CDH10: variants seen among roughly 807,000 people sequenced by gnomAD.
CDH10 encodes cadherin-10.
In CDH10, 30 loss-of-function variants were observed where a neutral mutation model predicts 73.1. That is an observed-to-expected ratio of 0.41 (90% CI 0.31 to 0.56). CDH10 has a LOEUF of 0.56. Among genes scored for constraint, CDH10 ranks in the 20% least tolerant of loss-of-function variants. The pLI, the probability that CDH10 is intolerant of heterozygous loss-of-function variation, is 0.27. For synonymous variants in CDH10, 345 were observed against 348.2 expected, an observed-to-expected ratio of 0.99 and a Z score of 0.10; for missense variants, 815 against 973.7, an observed-to-expected ratio of 0.84 and a Z score of 2.17.
At chr5:24,556,990 T>C (rs16893503) in intron 2 of CDH10, among the ~76,000 whole-genome samples, 2,490 of 151,872 alleles carry the variant, frequency 0.016, 65 homozygotes, top group African/African-American at 0.052. Flanking sequence ...TTTAAAAAAG[T>C]ACAGAAAGAA....
At chr5:24,505,879 G>A (rs1287863714) in intron 7 of CDH10, among the ~76,000 whole-genome samples, 1 of 152,304 alleles carries the variant, frequency 6.6e-6, no homozygotes, top group Non-Finnish European at 1.5e-5. Context: ...ACCTTGGGAG[G>A]CCCAGGCAGG....
intron 1 of CDH10, among the ~76,000 whole-genome samples, chr5:24,625,642 T>C (rs1747473285): frequency 6.7e-6 from 1 of 149,750 alleles, no homozygotes. Context: ...TATGTGTATA[T>C]ATATATTCAC....
chr5:24,498,442 C>A lies in CDH10; in HGVS notation c.1471G>T (p.Val491Leu). The change falls in exon 9 of 12, where the codon GTG (valine) becomes TTG (leucine). Residue 491 changes from valine to leucine, a missense_variant. Val to Leu is a conservative substitution (Grantham distance 32, BLOSUM62 1). Around this residue, in one of 3 missense-constraint regions of CDH10, gnomAD observed 516 missense variants for 636.6 expected, o/e 0.81. Coordinates refer to ENST00000264463, the MANE Select transcript of CDH10 (RefSeq NM_006727.5). Reference protein sequence around the residue: ...DVNDNAPQFAVFYDTFVCENA... With the variant: ...DVNDNAPQFALFYDTFVCENA... Reference sequence around the variant, plus strand: ...TCACATACAAAAGTGTCATAGAACACAGCAAACTGTGGGGCATTGTCATTA... The same window carrying A: ...TCACATACAAAAGTGTCATAGAACAAAGCAAACTGTGGGGCATTGTCATTA... 3 of 1,603,898 alleles carry A rather than the reference C, an allele frequency of 1.9e-6. No homozygotes were observed. The highest frequency in any genetic ancestry group is 2.6e-6 in the Non-Finnish European group (3 of 1,170,950).
intron 10 of CDH10, 61 bp from the exon 11 acceptor site, chr5:24,491,888 C>T (rs2111642978): frequency 1.9e-6 from 2 of 1,031,516 alleles, no homozygotes; most frequent in Non-Finnish European, 2.9e-6. Context: ...CCAATGTGAT[C>T]ACCAAGGTTT....
At chr5:24,546,782 C>G (rs1561154416) in intron 2 of CDH10, among the ~76,000 whole-genome samples, 1 of 152,056 alleles carries the variant, frequency 6.6e-6, no homozygotes, top group South Asian at 2.1e-4. Context: ...GTTTTCTACT[C>G]TTGTGGACTC....
At chr5:24,574,434 T>G (rs959456166) in intron 2 of CDH10, among the ~76,000 whole-genome samples, 1 of 152,038 alleles carries the variant, frequency 6.6e-6, no homozygotes, top group African/African-American at 2.4e-5. Flanking sequence ...AAGAGGATAT[T>G]GGCCAAAATA....
rs77458169 is a variant in CDH10 at position 24,619,180 on chromosome 5, T to C, written c.-124+25414A>G. Among the ~76,000 whole-genome samples, 1,159 of 152,140 alleles carry C rather than the reference T, an allele frequency of 7.6e-3. 14 individuals carry two copies. The highest frequency in any genetic ancestry group is 0.026 in the African/African-American group (1,098 of 41,476). ...TGAATGGTACCTCTAGTCTCATCTA[T>C]ATCTGATTTAGATGATTTTTTTTTT... On this transcript the variant is annotated intron_variant, in intron 1 of 11. Coordinates refer to ENST00000264463, the MANE Select transcript of CDH10 (RefSeq NM_006727.5).
chr5:24,501,249 C>T (rs542110304), intron 8 of CDH10, among the ~76,000 whole-genome samples: 1 of 152,104 alleles, frequency 6.6e-6, no homozygotes, highest in Non-Finnish European at 1.5e-5. Flanking sequence ...AAAATTCCGT[C>T]GTCAGCCCCT....
intron 1 of CDH10, among the ~76,000 whole-genome samples, chr5:24,631,968 A>G (rs1579489234): frequency 1.3e-5 from 2 of 152,190 alleles, no homozygotes; most frequent in East Asian, 3.9e-4. Flanking sequence ...GTTGAAATTT[A>G]CAGAAAATAC....
At chr5:24,494,285 A>G (rs1408342907) in intron 9 of CDH10, among the ~76,000 whole-genome samples, 1 of 151,982 alleles carries the variant, frequency 6.6e-6, no homozygotes, top group African/African-American at 2.4e-5. Context: ...ATTGTTAACT[A>G]ATACTACTTA....
At chr5:24,624,237 T>C (rs1747414564) in intron 1 of CDH10, among the ~76,000 whole-genome samples, 1 of 152,188 alleles carries the variant, frequency 6.6e-6, no homozygotes, top group South Asian at 2.1e-4. Context: ...TGAAATGTTT[T>C]TGTTATTCAC....
At position 24,488,114 on chromosome 5, in the gene CDH10, T is replaced by A. The variant is rs2111612672; in HGVS notation, c.1916A>T (p.Lys639Ile). The part of the protein sequence containing the change: ...VLFAALKRQR[K>I]KEPLILSKED... ...TTTTGACAAGATCAGAGGCTCTTTT[T>A]TTCGCTGTCTTTTCAGAGCTGCAAA... The change falls in exon 12 of 12, where the codon AAA becomes ATA. Residue 639 changes from lysine to isoleucine, a missense_variant. Transcript: ENST00000264463. 1 of 1,612,510 alleles carries A rather than the reference T, an allele frequency of 6.2e-7. No homozygotes were observed. Among genetic ancestry groups the A allele is most frequent in the Non-Finnish European group, 8.5e-7 (1 of 1,179,404 alleles).
chr5:24,628,601 C>T (rs1254734099), intron 1 of CDH10, among the ~76,000 whole-genome samples: 2 of 151,964 alleles, frequency 1.3e-5, no homozygotes, highest in Non-Finnish European at 2.9e-5. Flanking sequence ...TACTTTTTTA[C>T]CCTATTTGTC....
At chr5:24,570,688 T>C (rs1372103272) in intron 2 of CDH10, among the ~76,000 whole-genome samples, 2 of 152,006 alleles carry the variant, frequency 1.3e-5, no homozygotes, top group African/African-American at 4.8e-5. Flanking sequence ...TAGAGTAAAA[T>C]GGCCTCTGCA....
intron 2 of CDH10, among the ~76,000 whole-genome samples, chr5:24,538,184 A>T (rs1015232910): frequency 2.6e-5 from 4 of 152,156 alleles, no homozygotes; most frequent in African/African-American, 9.6e-5. Flanking sequence ...TTTAAAAACA[A>T]CATACATTAT....
chr5:24,619,628 G>A (rs766879897), intron 1 of CDH10, among the ~76,000 whole-genome samples: 1 of 152,212 alleles, frequency 6.6e-6, no homozygotes, highest in African/African-American at 2.4e-5. Context: ...TGGAGGGCCA[G>A]ATGCAAAATG....
chr5:24,494,725 C>A (rs959445988), intron 9 of CDH10, among the ~76,000 whole-genome samples: 4 of 151,770 alleles, frequency 2.6e-5, no homozygotes, highest in Admixed American at 6.6e-5. Context: ...ACATTAAAAT[C>A]TTTAATTAAA....
At chr5:24,614,473 T>C (rs1747064352) in intron 1 of CDH10, among the ~76,000 whole-genome samples, 1 of 152,210 alleles carries the variant, frequency 6.6e-6, no homozygotes, top group African/African-American at 2.4e-5. Flanking sequence ...TAATTGATGA[T>C]GTGCATATTA....
intron 1 of CDH10, among the ~76,000 whole-genome samples, chr5:24,639,322 G>T (rs1175217068): frequency 6.6e-6 from 1 of 151,460 alleles, no homozygotes; most frequent in African/African-American, 2.4e-5. Context: ...TACGAAAGGA[G>T]AAACAGTTAC....
Sources: allele counts gnomAD v4.1 joint callset (sites outside exome capture counted in the v4.1 genomes callset), GRCh38; gene constraint gnomAD v4.1.1; regional missense constraint gnomAD v4.1.1; transcripts MANE v1.5; gene names NCBI Gene and HGNC (gene_info 2026-07-23, HGNC 2026-07-21).